CAMTA1: variants seen among roughly 807,000 people sequenced by gnomAD.
CAMTA1 encodes calmodulin binding transcription activator 1.
CAMTA1 carries 27 observed loss-of-function variants against 170.9 expected under a neutral mutation model. The observed-to-expected ratio is 0.16, with a 90% CI of 0.12 to 0.22. The LOEUF (loss-of-function observed/expected upper bound fraction) is 0.22, where lower values mean the gene tolerates loss of function less well. Among genes scored for constraint, CAMTA1 ranks in the 10% least tolerant of loss-of-function variants. CAMTA1 has a pLI of 1.00. For missense variants in CAMTA1, 1,619 were observed against 2,217.2 expected, an observed-to-expected ratio of 0.73 and a Z score of 5.42; for synonymous variants, 833 against 891.5, an observed-to-expected ratio of 0.93 and a Z score of 1.17.
intron 5 of CAMTA1, among the ~76,000 whole-genome samples, chr1:7,261,351 T>C (rs1668138393): frequency 6.6e-6 from 1 of 152,232 alleles, no homozygotes; most frequent in South Asian, 2.1e-4. Context: ...GGTCTATGTT[T>C]TGCAGCAGCT....
chr1:7,272,712 A>AAAAAAAAAAAAAAAAAAAAAAAC (rs1670017608), intron 5 of CAMTA1, among the ~76,000 whole-genome samples: 1 of 109,894 alleles, frequency 9.1e-6, no homozygotes, highest in Non-Finnish European at 2.0e-5. Context: ...AAAAAAAAAA[A>AAAAAAAAAAAAAAAAAAAAAAAC]AAAAGAAAAG....
intron 4 of CAMTA1, among the ~76,000 whole-genome samples, chr1:7,118,440 A>G (rs76332651): frequency 0.014 from 2,162 of 151,600 alleles, 38 homozygotes; most frequent in African/African-American, 0.049. Flanking sequence ...CCACAGGAGT[A>G]CATCACCATG....
At chr1:7,619,065 T>TCAACAGGCTTCA (rs2095579223) in intron 6 of CAMTA1, among the ~76,000 whole-genome samples, 1 of 152,154 alleles carries the variant, frequency 6.6e-6, no homozygotes, top group African/African-American at 2.4e-5. Flanking sequence ...TTCCCCCTAG[T>TCAACAGGCTTCA]CAACAGGCTT....
rs542670022 is a variant in CAMTA1, at chr1:7,697,337, TC to T, written c.2914+19608del. On this transcript the variant is annotated intron_variant, in intron 11 of 22. Transcript: ENST00000303635. ...CCCGGCCGTATTCCAGATCTTTCCA[TC>T]CCCATTCTATTGACGAGGAGCCTGA... Among the ~76,000 whole-genome samples, 10 of 152,334 alleles carry T rather than the reference TC, an allele frequency of 6.6e-5. No individual in the cohort carries two copies. The South Asian group carries it at 2.1e-3, about 32-fold the overall frequency.
At chr1:7,202,036 AT>A (rs1264129200) in intron 4 of CAMTA1, among the ~76,000 whole-genome samples, 1 of 152,128 alleles carries the variant, frequency 6.6e-6, no homozygotes, top group African/African-American at 2.4e-5. Flanking sequence ...TAGCTCTTTG[AT>A]CCATCTGTTT....
intron 4 of CAMTA1, among the ~76,000 whole-genome samples, chr1:7,150,335 A>G (rs1379926942): frequency 6.6e-6 from 1 of 152,180 alleles, no homozygotes; most frequent in Non-Finnish European, 1.5e-5. Flanking sequence ...TGCTTCTCCA[A>G]CTGGAGGAAG....
At chr1:7,470,777 C>G (rs2093315945) in intron 6 of CAMTA1, among the ~76,000 whole-genome samples, 1 of 152,248 alleles carries the variant, frequency 6.6e-6, no homozygotes, top group South Asian at 2.1e-4. Flanking sequence ...GTGGCCGCCT[C>G]CTGCCGGCCC....
chr1:7,746,676 C>G (rs1272782025), intron 18 of CAMTA1, among the ~76,000 whole-genome samples: 1 of 152,160 alleles, frequency 6.6e-6, no homozygotes, highest in African/African-American at 2.4e-5. Flanking sequence ...ATTCTGTTGC[C>G]AAGGCTGGAG....
chr1:7,713,842 A>C (rs3121223), intron 11 of CAMTA1, among the ~76,000 whole-genome samples: 146,407 of 152,266 alleles, frequency 0.96, 70,621 homozygotes, highest in East Asian at 1. Flanking sequence ...AATTGTTGTT[A>C]AGGGCTCTTT....
In CAMTA1 at chr1:6,982,643, A is replaced by G. The variant is rs569000213; in HGVS notation, c.235-108661A>G. Among the ~76,000 whole-genome samples, 16 of 151,876 alleles carry G rather than the reference A, an allele frequency of 1.1e-4. No individual in the cohort carries two copies. The South Asian group carries it at 2.7e-3, about 26-fold the overall frequency. ...GCCCTTCCCCAAAGTCACAGGCAGC[A>G]TGGCCCCGGGTTCTGGCTCCCTGTC... is the stretch of plus-strand genomic sequence containing the variant. On this transcript the variant is annotated intron_variant, in intron 3 of 22. Coordinates refer to ENST00000303635, the MANE Select transcript of CAMTA1 (RefSeq NM_015215.4).
chr1:7,052,804 C>T (rs540000483), intron 3 of CAMTA1, among the ~76,000 whole-genome samples: 5 of 152,302 alleles, frequency 3.3e-5, no homozygotes, highest in African/African-American at 7.2e-5. Flanking sequence ...GATTCTCCTC[C>T]GTGCTGTCCC....
intron 3 of CAMTA1, chr1:6,888,016 CT>C: frequency 8.8e-7 from 1 of 1,132,934 alleles, no homozygotes; most frequent in East Asian, 5.6e-5. Context: ...ACTCTGTCCC[CT>C]CAGCAAGCTG....
intron 3 of CAMTA1, among the ~76,000 whole-genome samples, chr1:6,892,821 G>T (rs1449156122): frequency 1.3e-5 from 2 of 151,950 alleles, no homozygotes; most frequent in Non-Finnish European, 2.9e-5. Flanking sequence ...GCTAGTTCTA[G>T]ACTATGAGAT....
At chr1:7,450,085 C>T (rs1334604319) in intron 5 of CAMTA1, among the ~76,000 whole-genome samples, 6 of 152,144 alleles carry the variant, frequency 3.9e-5, no homozygotes, top group Admixed American at 3.3e-4. Flanking sequence ...AGCAGGGATG[C>T]GGCCCCCTTG....
At chr1:7,661,364 G>T (rs745352444) in intron 7 of CAMTA1, among the ~76,000 whole-genome samples, 2 of 152,222 alleles carry the variant, frequency 1.3e-5, no homozygotes, top group African/African-American at 2.4e-5. Context: ...TCAGCCTCCT[G>T]TCCACTCTCC....
chr1:6,823,566 CTT>C lies in CAMTA1; in HGVS notation c.116-1525_116-1524del, dbSNP rs374580362. Among the ~76,000 whole-genome samples the C allele has an allele frequency of 2.6e-3, 396 of 152,158 alleles. 1 individual carries two copies. The highest frequency in any genetic ancestry group is 9.2e-3 in the African/African-American group (384 of 41,526). ...AAAAGATTTAGTATGCCAAAACTCT[CTT>C]AAGTTCATCTCCATAAAATCTTTCT... is the stretch of plus-strand genomic sequence containing the variant. On this transcript the variant is annotated intron_variant, in intron 2 of 22. Coordinates refer to ENST00000303635, the MANE Select transcript of CAMTA1 (RefSeq NM_015215.4).
At chr1:7,181,333 G>A (rs1210462898) in intron 4 of CAMTA1, among the ~76,000 whole-genome samples, 3 of 152,176 alleles carry the variant, frequency 2.0e-5, no homozygotes, top group Non-Finnish European at 4.4e-5. Flanking sequence ...CCAGGATCAA[G>A]GCAAGGATAT....
chr1:7,233,254 C>T (rs534713389), intron 4 of CAMTA1, among the ~76,000 whole-genome samples: 63 of 152,274 alleles, frequency 4.1e-4, no homozygotes, highest in African/African-American at 1.4e-3. Flanking sequence ...GCCACGGAAG[C>T]ACCAGGCACC....
At chr1:7,115,695 G>A (rs1331937222) in intron 4 of CAMTA1, among the ~76,000 whole-genome samples, 2 of 151,754 alleles carry the variant, frequency 1.3e-5, no homozygotes, top group Admixed American at 6.6e-5. Context: ...GAAAGCCTGA[G>A]ACCCAGGAGA....
Sources: allele counts gnomAD v4.1 joint callset (sites outside exome capture counted in the v4.1 genomes callset), GRCh38; gene constraint gnomAD v4.1.1; transcripts MANE v1.5; gene names NCBI Gene and HGNC (gene_info 2026-07-23, HGNC 2026-07-21).